STOX2: variants seen among roughly 807,000 people sequenced by gnomAD.
STOX2 encodes the protein storkhead-box protein 2.
A neutral mutation model predicts 60.9 loss-of-function variants in STOX2; 28 were observed. The ratio of observed to expected loss-of-function variants is 0.46; its 90% CI spans 0.34 to 0.63. STOX2 has a LOEUF of 0.63. Ranked by LOEUF, STOX2 falls within the 30% of genes least tolerant of loss-of-function variation. STOX2 has a pLI of 0.01. For synonymous variants in STOX2, 472 were observed against 463.9 expected (o/e 1.02, Z -0.22); for missense variants, 1,024 against 1,187.7 (o/e 0.86, Z 2.03).
chr4:184,010,174 T>C lies in STOX2; in HGVS notation c.1336T>C (p.Leu446=), dbSNP rs747575563. 6.4e-7 allele frequency: 1 copy of C among 1,556,908 alleles called. No individual in the cohort carries two copies. Among genetic ancestry groups the C allele is most frequent in the South Asian group, 1.2e-5 (1 of 84,572 alleles). The change falls in exon 3 of 4, where the codon TTG becomes CTG. Residue 446 remains leucine, a synonymous_variant. Transcript: ENST00000308497. The surrounding 1 kb of genome is among the most constrained non-coding windows in gnomAD (Gnocchi z 4.5). Reference sequence around the variant, plus strand: ...ACCAGAATGGGATGTGTCTGGTGAATTGGCTAAAAGGAGAACTGAGATGCC... The same window carrying C: ...ACCAGAATGGGATGTGTCTGGTGAACTGGCTAAAAGGAGAACTGAGATGCC... The part of the protein sequence containing the change: ...MTPEWDVSGE[L]AKRRTEMPFP...
intron 1 of STOX2, among the ~76,000 whole-genome samples, chr4:183,892,099 C>A (rs1275608079): frequency 6.6e-6 from 1 of 152,196 alleles, no homozygotes; most frequent in Non-Finnish European, 1.5e-5. Flanking sequence ...TTTAGTAAAA[C>A]CCTTGTTTTG....
intron 1 of STOX2, among the ~76,000 whole-genome samples, chr4:183,849,361 G>A (rs1215316806): frequency 6.6e-6 from 1 of 152,162 alleles, no homozygotes; most frequent in Non-Finnish European, 1.5e-5. Context: ...CCTCAGTATG[G>A]GCTTGATCCT....
At position 183,906,852 on chromosome 4, in the gene STOX2, G is replaced by A. The variant is rs372362393; in HGVS notation, c.62G>A (p.Arg21Gln). 121 of 1,553,158 alleles carry A rather than the reference G, an allele frequency of 7.8e-5. No individual in the cohort carries two copies. The highest frequency in any genetic ancestry group is 9.4e-5 in the Non-Finnish European group (108 of 1,148,196). ...RAWPSSDFSD[R>Q]ASDRMRSRSE... ...TGGCCTAGCTCGGATTTCTCGGACC[G>A]GGCCTCGGACCGCATGAGGTCCCGC... Residue 21 changes from arginine to glutamine, a missense_variant, in exon 1 of 4, where the codon CGG (arginine) becomes CAG (glutamine). Transcript: ENST00000308497.
chr4:184,013,070 A>G (rs952877144), intron 3 of STOX2, among the ~76,000 whole-genome samples: 1 of 151,996 alleles, frequency 6.6e-6, no homozygotes, highest in African/African-American at 2.4e-5. Flanking sequence ...TCTGCCTCCT[A>G]CCTGCTTTTC....
upstream of STOX2, among the ~76,000 whole-genome samples, chr4:183,900,419 T>G (rs1741436910): frequency 6.6e-6 from 1 of 152,190 alleles, no homozygotes; most frequent in Non-Finnish European, 1.5e-5. Flanking sequence ...CTGGAAAGGA[T>G]TCACCATTCT....
intron 1 of STOX2, among the ~76,000 whole-genome samples, chr4:183,910,275 C>G (rs4862265): frequency 6.6e-6 from 1 of 151,976 alleles, no homozygotes; most frequent in East Asian, 1.9e-4. Flanking sequence ...GTAGAAGTTA[C>G]GATATTAATG....
Position 183,825,398 on chromosome 4 carries a change from G to A in STOX2, c.364+27343G>A, listed in dbSNP as rs545498811. Among the ~76,000 whole-genome samples the A allele has an allele frequency of 2.7e-5, 4 of 150,456 alleles. No homozygotes were observed. Among genetic ancestry groups the A allele is most frequent in the South Asian group, 4.1e-4 (2 of 4,830 alleles). ...CCTTCACACAGCTGGGCCATCCCTCGTGTGGCGCGTGCTGCAGATGGCAGC... is the reference window on the plus strand; with the variant it reads ...CCTTCACACAGCTGGGCCATCCCTCATGTGGCGCGTGCTGCAGATGGCAGC... On this transcript the variant is annotated intron_variant, in intron 1 of 2. Transcript: ENST00000513034. The surrounding 1 kb of genome is among the most constrained non-coding windows in gnomAD (Gnocchi z 4.1).
At chr4:183,942,465 G>A (rs1218041459) in intron 1 of STOX2, among the ~76,000 whole-genome samples, 5 of 151,548 alleles carry the variant, frequency 3.3e-5, no homozygotes, top group African/African-American at 4.9e-5. Flanking sequence ...CTGGTACTGA[G>A]GGATCACTAA....
At chr4:183,985,619 T>C (rs1732808984) in intron 1 of STOX2, among the ~76,000 whole-genome samples, 1 of 152,226 alleles carries the variant, frequency 6.6e-6, no homozygotes, top group Non-Finnish European at 1.5e-5. Context: ...AAATTATGAC[T>C]ACATTTTTAT....
At chr4:183,977,599 A>G (rs1441406263) in intron 1 of STOX2, among the ~76,000 whole-genome samples, 1 of 134,508 alleles carries the variant, frequency 7.4e-6, no homozygotes, top group East Asian at 2.4e-4. Flanking sequence ...GTTAATGAAC[A>G]CTTAGGTTGG....
chr4:183,977,158 T>C (rs1405571298), intron 1 of STOX2, among the ~76,000 whole-genome samples: 1 of 152,058 alleles, frequency 6.6e-6, no homozygotes, highest in East Asian at 1.9e-4. Context: ...TTGTACCCAA[T>C]AGGCAGTATA....
At chr4:183,902,719 G>A (rs1040077409), upstream of STOX2, among the ~76,000 whole-genome samples, 1 of 152,164 alleles carries the variant, frequency 6.6e-6, no homozygotes, top group Non-Finnish European at 1.5e-5. Context: ...TTCACAATAC[G>A]CTGTTTGCTA....
chr4:183,917,785 G>A (rs1741975543), intron 1 of STOX2, among the ~76,000 whole-genome samples: 2 of 152,190 alleles, frequency 1.3e-5, no homozygotes, highest in African/African-American at 4.8e-5. Flanking sequence ...CCTTTATGTG[G>A]TAAGGCAGCG....
chr4:183,918,135 A>G (rs13110098), intron 1 of STOX2, among the ~76,000 whole-genome samples: 90,853 of 152,034 alleles, frequency 0.6, 27,905 homozygotes, highest in Non-Finnish European at 0.64. Flanking sequence ...GTCTAGTGCT[A>G]CATAGAGTTA....
At chr4:183,824,571 GAT>G (rs1162277048) in intron 1 of STOX2, among the ~76,000 whole-genome samples, 2 of 152,066 alleles carry the variant, frequency 1.3e-5, no homozygotes, top group Non-Finnish European at 2.9e-5. Flanking sequence ...ATTAAAAAAA[GAT>G]ATTATTGTGT....
intron 1 of STOX2, among the ~76,000 whole-genome samples, chr4:183,938,186 T>G: frequency 6.6e-6 from 1 of 152,186 alleles, no homozygotes; most frequent in African/African-American, 2.4e-5. Flanking sequence ...TTGCTGAAAT[T>G]ACTTTAAAAT....
At chr4:183,964,049 A>C (rs907460073) in intron 1 of STOX2, among the ~76,000 whole-genome samples, 1 of 152,244 alleles carries the variant, frequency 6.6e-6, no homozygotes, top group African/African-American at 2.4e-5. Context: ...TGCTGGGATT[A>C]CAGGCGTGAG....
At chr4:183,950,542 A>G (rs534539984) in intron 1 of STOX2, among the ~76,000 whole-genome samples, 7 of 152,282 alleles carry the variant, frequency 4.6e-5, no homozygotes, top group Admixed American at 1.3e-4. Flanking sequence ...TGGAAAGAAG[A>G]GACAGTGCCC....
upstream of STOX2, among the ~76,000 whole-genome samples, chr4:183,901,083 C>T (rs551601925): frequency 3.3e-4 from 50 of 152,276 alleles, no homozygotes; most frequent in Admixed American, 1.2e-3. Context: ...TTTCCTCCAG[C>T]CCCTGGCCAC....
Sources: gnomAD v4.1 joint callset for allele counts (sites outside exome capture counted in the v4.1 genomes callset) on GRCh38, gnomAD v4.1.1 for gene constraint, Gnocchi (gnomAD v3.1) non-coding constraint, MANE v1.5 for transcripts, NCBI Gene and HGNC (gene_info 2026-07-23, HGNC 2026-07-21) for gene names.